HEATR1: variants seen among roughly 807,000 people sequenced by gnomAD.
The protein encoded by HEATR1 is HEAT repeat-containing protein 1.
HEATR1 carries 77 observed loss-of-function variants against 248.2 expected under a neutral mutation model. That is an observed-to-expected ratio of 0.31 (90% CI 0.26 to 0.37). HEATR1 has a LOEUF of 0.37. Among genes scored for constraint, HEATR1 ranks in the 10% least tolerant of loss-of-function variants. The pLI, the probability that HEATR1 is intolerant of heterozygous loss-of-function variation, is 1.00. For missense variants in HEATR1, 2,420 were observed against 2,504.9 expected (o/e 0.97, Z 0.72); for synonymous variants, 897 against 923.1 (o/e 0.97, Z 0.51).
Position 236,557,291 on chromosome 1 carries a change from G to A in HEATR1, c.5259C>T (p.Ser1753=), listed in dbSNP as rs770190097. ...TMKNTSELVS[S]EVYLLSALAA... Reference sequence around the variant, plus strand: ...CCAAGGCACTGAGCAGGTAGACCTCGCTGGAGACCAGCTCGCTGGTGTTCT... The same window carrying A: ...CCAAGGCACTGAGCAGGTAGACCTCACTGGAGACCAGCTCGCTGGTGTTCT... Residue 1753 remains serine, a synonymous_variant, in exon 37 of 45, where the codon AGC becomes AGT. Transcript: ENST00000366582. 1.8e-5 allele frequency: 29 copies of A among 1,614,046 alleles called. No individual in the cohort carries two copies. The highest frequency in any genetic ancestry group is 2.1e-5 in the Non-Finnish European group (25 of 1,180,026).
intron 14 of HEATR1, among the ~76,000 whole-genome samples, chr1:236,586,716 T>G (rs1043406731): frequency 3.9e-5 from 6 of 152,024 alleles, no homozygotes; most frequent in African/African-American, 1.4e-4. Context: ...ACTTTTAATC[T>G]GCTCATCCTG....
chr1:236,581,999 C>G (rs2103142439), intron 19 of HEATR1, among the ~76,000 whole-genome samples: 1 of 146,600 alleles, frequency 6.8e-6, no homozygotes, highest in South Asian at 2.1e-4. Flanking sequence ...TGTGATTGTA[C>G]TCTTTTACAG....
chr1:236,564,581 T>C lies in HEATR1; in HGVS notation c.4516A>G (p.Thr1506Ala). The C allele has an allele frequency of 6.2e-7, 1 of 1,613,960 alleles. No homozygotes were observed. Among genetic ancestry groups the C allele is most frequent in the Non-Finnish European group, 8.5e-7 (1 of 1,179,954 alleles). The change falls in exon 32 of 45, where the codon ACT becomes GCT. Residue 1506 changes from threonine to alanine, a missense_variant. Coordinates refer to ENST00000366582, the MANE Select transcript of HEATR1 (RefSeq NM_018072.6). Reference sequence around the variant, plus strand: ...TTAAAATGCCGCAGTTGCTTGCTAGTGTGAGTCTCTACATTAAAAACCTGT... The same window carrying C: ...TTAAAATGCCGCAGTTGCTTGCTAGCGTGAGTCTCTACATTAAAAACCTGT... The part of the protein sequence containing the change: ...MLQVFNVETH[T>A]SKQLRHFKFL...
chr1:236,573,943 G>A lies in HEATR1; in HGVS notation c.3459+259C>T, dbSNP rs146228321. 3.9e-3 allele frequency: 1,003 copies of A among 259,886 alleles called. 4 individuals are homozygous for A. Among genetic ancestry groups the A allele is most frequent in the Non-Finnish European group, 5.8e-3 (821 of 140,402 alleles). The allele number at this position is 259,886 out of a possible 1,614,324, so 16.1% of individuals were successfully genotyped here. On this transcript the variant is annotated intron_variant, in intron 24 of 44. Transcript: ENST00000366582. ...GGAATAGGTAGATTCCGTCTAATAT[G>A]AGAAAGATCACACACACACATATTC... is the stretch of plus-strand genomic sequence containing the variant.
chr1:236,571,431 G>C lies in HEATR1; in HGVS notation c.3868C>G (p.Gln1290Glu). ...EEKFNVELIV[Q>E]CIRLSEMPQT... ...GGCATCTCCGAAAGGCGGATGCACT[G>C]AACTATCAACTCCACGTTGAACTTC... is the stretch of plus-strand genomic sequence containing the variant. Residue 1290 changes from glutamine to glutamate, a missense_variant, in exon 28 of 45, where the codon CAG becomes GAG. By Grantham distance (29) the Gln-to-Glu change is conservative (BLOSUM62 2). Transcript: ENST00000366582. 1.2e-6 allele frequency: 2 copies of C among 1,613,730 alleles called. No homozygotes were observed. The highest frequency in any genetic ancestry group is 1.7e-6 in the Non-Finnish European group (2 of 1,179,952).
chr1:236,552,333 C>T (rs1192193089), intron 43 of HEATR1: 1 of 328,878 alleles, frequency 3.0e-6, no homozygotes, highest in Admixed American at 4.8e-5. Flanking sequence ...AAACTGTGTC[C>T]CAGGACTGCA....
rs1051505835 is a variant in HEATR1, at chr1:236,570,289, AAAAC to A, written c.3948+1058_3948+1061del. Reference sequence around the variant, plus strand: ...CGGCAACAGAGCGAGACTCCGTCTCAAAACAAACAAACAAACAAACAAAAACATT... The same window carrying A: ...CGGCAACAGAGCGAGACTCCGTCTCAAAACAAACAAACAAACAAAAACATT... On this transcript the variant is annotated intron_variant, in intron 28 of 44. Transcript: ENST00000366582. Among the ~76,000 whole-genome samples, 16 of 152,208 alleles carry A rather than the reference AAAAC, an allele frequency of 1.1e-4. 1 individual carries two copies. Among genetic ancestry groups the A allele is most frequent in the Admixed American group, 2.6e-4 (4 of 15,286 alleles).
chr1:236,566,903 AG>A (rs1333933161), intron 29 of HEATR1, 27 bp from the exon 30 acceptor site: 2 of 1,440,508 alleles, frequency 1.4e-6, no homozygotes, highest in Non-Finnish European at 2.0e-6. Flanking sequence ...AGAGACAATG[AG>A]TAGGTGCAAG....
intron 27 of HEATR1, 47 bp from the exon 28 acceptor site, chr1:236,571,519 C>T (rs746814655): frequency 3.4e-5 from 55 of 1,613,356 alleles, no homozygotes; most frequent in South Asian, 9.9e-5. Flanking sequence ...GGTACACTCA[C>T]GCTCAAAGTA....
At chr1:236,599,707 TTAA>T (rs1664266985) in intron 3 of HEATR1, 83 bp from the exon 4 acceptor site, 1 of 1,280,428 alleles carries the variant, frequency 7.8e-7, no homozygotes, top group East Asian at 2.4e-5. Context: ...AACTGTATTA[TTAA>T]TAAGCTAAAA....
chr1:236,584,162 G>T (rs1400117538), intron 17 of HEATR1, among the ~76,000 whole-genome samples: 1 of 152,000 alleles, frequency 6.6e-6, no homozygotes, highest in East Asian at 1.9e-4. Flanking sequence ...GGTATTAAAA[G>T]TAAAGCAATA....
intron 20 of HEATR1, among the ~76,000 whole-genome samples, chr1:236,580,891 C>T (rs1572044750): frequency 6.8e-6 from 1 of 147,608 alleles, no homozygotes; most frequent in African/African-American, 2.5e-5. Context: ...ACAATCTCGG[C>T]TCACTGCAAC....
chr1:236,592,236 A>G, intron 10 of HEATR1, 126 bp from the exon 11 acceptor site: 1 of 595,928 alleles, frequency 1.7e-6, no homozygotes, highest in Non-Finnish European at 2.9e-6. Flanking sequence ...AATTTTAACA[A>G]ATGTTGTAGG....
At chr1:236,594,163 G>T (rs1664115082) in intron 8 of HEATR1, 49 bp from the exon 9 acceptor site, 2 of 1,203,750 alleles carry the variant, frequency 1.7e-6, no homozygotes, top group Non-Finnish European at 2.4e-6. Flanking sequence ...TATTTTGCAA[G>T]CTAACATTAT....
In HEATR1 at chr1:236,550,805, T is replaced by C. The variant is rs1306841759; in HGVS notation, c.*97A>G. The C allele has an allele frequency of 1.1e-6, 1 of 880,386 alleles. No individual in the cohort carries two copies. Among genetic ancestry groups the C allele is most frequent in the African/African-American group, 1.7e-5 (1 of 59,230 alleles). The allele number at this position is 880,386 out of a possible 1,614,324, so 54.5% of individuals were successfully genotyped here. ...TTGTAAGTAATCCAAGTAGGTGTAT[T>C]AAGGCACCAAAAGTAACATGGCACC... On this transcript the variant is annotated 3_prime_UTR_variant, in exon 45 of 45. Transcript: ENST00000366582.
rs1663881901 is a variant in HEATR1 at position 236,586,297 on chromosome 1, T to C, written c.1871A>G (p.Tyr624Cys). Residue 624 changes from tyrosine to cysteine, a missense_variant, in exon 15 of 45, where the codon TAT (tyrosine) becomes TGT (cysteine). Transcript: ENST00000366582. Reference protein sequence around the residue: ...TESAEMKIAIYLSKSGICSLH... With the variant: ...TESAEMKIAICLSKSGICSLH... Reference sequence around the variant, plus strand: ...GGAGCAGATTCCTGATTTTGATAAATATATAGCAATTTTCATCTCAGCAGA... The same window carrying C: ...GGAGCAGATTCCTGATTTTGATAAACATATAGCAATTTTCATCTCAGCAGA... 6 of 1,613,402 alleles carry C rather than the reference T, an allele frequency of 3.7e-6. No individual in the cohort carries two copies. Among genetic ancestry groups the C allele is most frequent in the Non-Finnish European group, 5.1e-6 (6 of 1,179,648 alleles).
chr1:236,603,753 C>T (rs1334012029), intron 2 of HEATR1, among the ~76,000 whole-genome samples: 1 of 151,820 alleles, frequency 6.6e-6, no homozygotes, highest in African/African-American at 2.4e-5. Context: ...CTGTGAAATC[C>T]AGATACCTCT....
chr1:236,578,971 A>G (rs544906484), intron 20 of HEATR1, among the ~76,000 whole-genome samples: 1 of 152,326 alleles, frequency 6.6e-6, no homozygotes, highest in South Asian at 2.1e-4. Context: ...GCTTTATTTC[A>G]TATCTACTGC....
intron 4 of HEATR1, among the ~76,000 whole-genome samples, chr1:236,598,796 C>A (rs866007422): frequency 5.9e-5 from 9 of 152,182 alleles, no homozygotes; most frequent in South Asian, 2.1e-4. Flanking sequence ...TTGCCTCCCC[C>A]CCTACCCTGG....
Sources: gnomAD v4.1 joint callset for allele counts (sites outside exome capture counted in the v4.1 genomes callset) on GRCh38, gnomAD v4.1.1 for gene constraint, MANE v1.5 for transcripts, NCBI Gene and HGNC (gene_info 2026-07-23, HGNC 2026-07-21) for gene names.